The following FAT3 variants were observed in gnomAD, a reference collection of about 807,000 sequenced individuals.
The protein encoded by FAT3 is protocadherin Fat 3.
Under a neutral mutation model 310.2 loss-of-function variants are expected in FAT3, and 95 were observed. That is an observed-to-expected ratio of 0.31 (90% CI 0.26 to 0.36). The LOEUF (loss-of-function observed/expected upper bound fraction) is 0.36. FAT3 is among the 10% of genes least tolerant of loss of function. The pLI is 1.00. For missense variants in FAT3, 5,408 were observed against 5,715.6 expected (o/e 0.95, Z 1.74); for synonymous variants, 2,314 against 2,192.9 (o/e 1.06, Z -1.54).
chr11:92,385,153 A>G lies in FAT3; in HGVS notation c.3292+29749A>G, dbSNP rs137935688. Among the ~76,000 whole-genome samples, 261 of 152,340 alleles carry G rather than the reference A, an allele frequency of 1.7e-3. 1 individual carries two copies. Among genetic ancestry groups the G allele is most frequent in the African/African-American group, 6.0e-3 (249 of 41,590 alleles). ...CTCCTATAAGAAAGCAGCACCAAGC[A>G]TCAGCTCTTTCTATTTCTTTTCAAT... On this transcript the variant is annotated intron_variant, in intron 2 of 27. Transcript: ENST00000525166.
chr11:92,660,524 A>G (rs1199960925), intron 3 of FAT3, among the ~76,000 whole-genome samples: 3 of 152,178 alleles, frequency 2.0e-5, no homozygotes, highest in Non-Finnish European at 4.4e-5. Flanking sequence ...ATAACCAAAC[A>G]GTCATCCTAG....
intron 2 of FAT3, among the ~76,000 whole-genome samples, chr11:92,482,526 C>T (rs1027945730): frequency 2.0e-5 from 3 of 152,124 alleles, no homozygotes; most frequent in African/African-American, 7.2e-5. Flanking sequence ...AAACTAAATC[C>T]AGACTCCAAC....
At chr11:92,546,251 G>C (rs1413690316) in intron 3 of FAT3, among the ~76,000 whole-genome samples, 1 of 152,152 alleles carries the variant, frequency 6.6e-6, no homozygotes, top group African/African-American at 2.4e-5. Context: ...ATCCCTGTCA[G>C]TGTGTTTAAG....
intron 2 of FAT3, among the ~76,000 whole-genome samples, chr11:92,409,288 A>G (rs1950201363): frequency 6.6e-6 from 1 of 151,998 alleles, no homozygotes; most frequent in Admixed American, 6.6e-5. Flanking sequence ...ATGTGTGTAT[A>G]TAAACACACG....
chr11:92,642,908 C>G (rs1325610585), intron 3 of FAT3, among the ~76,000 whole-genome samples: 1 of 152,170 alleles, frequency 6.6e-6, no homozygotes, highest in African/African-American at 2.4e-5. Flanking sequence ...CAGAGCTAAC[C>G]CTTACTCTGC....
chr11:92,655,040 T>C (rs1385327832), intron 3 of FAT3, among the ~76,000 whole-genome samples: 4 of 152,182 alleles, frequency 2.6e-5, no homozygotes, highest in Non-Finnish European at 4.4e-5. Flanking sequence ...TGAAAGGTTA[T>C]TGCTTTCTGA....
chr11:92,723,582 G>C (rs1591649949), intron 4 of FAT3, among the ~76,000 whole-genome samples: 1 of 152,084 alleles, frequency 6.6e-6, no homozygotes, highest in Non-Finnish European at 1.5e-5. Context: ...CCAATTTACT[G>C]TATTAGTCTG....
chr11:92,714,736 T>A (rs1158221960), intron 4 of FAT3, among the ~76,000 whole-genome samples: 1 of 152,234 alleles, frequency 6.6e-6, no homozygotes, highest in East Asian at 1.9e-4. Context: ...CTTGGCTTTT[T>A]AGAAACTATC....
intron 4 of FAT3, among the ~76,000 whole-genome samples, chr11:92,717,263 C>A (rs994131660): frequency 1.3e-5 from 2 of 152,180 alleles, no homozygotes; most frequent in Non-Finnish European, 2.9e-5. Context: ...GATGCAAATG[C>A]AGAAGGGCAT....
At chr11:92,348,322 G>A (rs1278680244) in intron 1 of FAT3, among the ~76,000 whole-genome samples, 2 of 152,076 alleles carry the variant, frequency 1.3e-5, no homozygotes, top group Non-Finnish European at 2.9e-5. Flanking sequence ...TAAGACCACC[G>A]ATTCCGGTTT....
rs541308334 is a variant in FAT3, at chr11:92,523,675, CGCTTTCTA to C, written c.3293-958_3293-951del. Among the ~76,000 whole-genome samples, 684 of 152,264 alleles carry C rather than the reference CGCTTTCTA, an allele frequency of 4.5e-3. 3 individuals are homozygous for C. Among genetic ancestry groups the C allele is most frequent in the Non-Finnish European group, 7.4e-3 (505 of 68,010 alleles). On this transcript the variant is annotated intron_variant, in intron 2 of 27. Coordinates refer to ENST00000525166, the MANE Select transcript of FAT3 (RefSeq NM_001367949.2). ...AGTATAAGGATTTACATGAATTTCACGCTTTCTATGAGCCTCCTGACTACTTTTACAGT... is the reference window on the plus strand; with the variant it reads ...AGTATAAGGATTTACATGAATTTCACTGAGCCTCCTGACTACTTTTACAGT...
At chr11:92,590,917 G>A (rs952786606) in intron 3 of FAT3, among the ~76,000 whole-genome samples, 2 of 151,968 alleles carry the variant, frequency 1.3e-5, no homozygotes, top group East Asian at 1.9e-4. Flanking sequence ...GTACTAAGTC[G>A]ATTACAAGAA....
At chr11:92,468,489 C>A (rs1349009491) in intron 2 of FAT3, among the ~76,000 whole-genome samples, 5 of 152,028 alleles carry the variant, frequency 3.3e-5, no homozygotes, top group African/African-American at 1.2e-4. Context: ...TAGTGTAATT[C>A]TTCTTTTTTC....
intron 2 of FAT3, among the ~76,000 whole-genome samples, chr11:92,478,860 C>T (rs958140566): frequency 1.3e-5 from 2 of 152,052 alleles, no homozygotes; most frequent in Non-Finnish European, 2.9e-5. Flanking sequence ...AAGTGATCCA[C>T]CCACCTTGGC....
intron 22 of FAT3, among the ~76,000 whole-genome samples, chr11:92,875,703 C>A (rs1186171515): frequency 6.6e-6 from 1 of 152,172 alleles, no homozygotes; most frequent in Non-Finnish European, 1.5e-5. Flanking sequence ...TAACAGTTAC[C>A]TCTTGGGACC....
At chr11:92,755,630 G>C (rs113067625) in intron 4 of FAT3, among the ~76,000 whole-genome samples, 1 of 152,124 alleles carries the variant, frequency 6.6e-6, no homozygotes, top group Admixed American at 6.5e-5. Flanking sequence ...ATATCAAAAC[G>C]TCATGTTGTA....
At chr11:92,695,340 C>T (rs767697874) in intron 3 of FAT3, among the ~76,000 whole-genome samples, 5 of 151,986 alleles carry the variant, frequency 3.3e-5, no homozygotes, top group Non-Finnish European at 7.4e-5. Context: ...ATGTTTTTTA[C>T]GTTTCCCTGG....
chr11:92,717,129 G>A (rs900706383), intron 4 of FAT3, among the ~76,000 whole-genome samples: 21 of 152,114 alleles, frequency 1.4e-4, no homozygotes, highest in African/African-American at 2.7e-4. Flanking sequence ...AATGTCTTGC[G>A]TACAGTAATA....
At chr11:92,243,466 A>G (rs917768075) in intron 1 of FAT3, among the ~76,000 whole-genome samples, 2 of 148,804 alleles carry the variant, frequency 1.3e-5, no homozygotes, top group African/African-American at 4.9e-5. Flanking sequence ...GCCTTGATTT[A>G]AAAAAAAAAG....
Sources: allele counts gnomAD v4.1 joint callset (sites outside exome capture counted in the v4.1 genomes callset), GRCh38; gene constraint gnomAD v4.1.1; transcripts MANE v1.5; gene names NCBI Gene and HGNC (gene_info 2026-07-23, HGNC 2026-07-21).